Variants in VWA8 observed in about 807,000 individuals in gnomAD.
VWA8 encodes the protein von Willebrand factor A domain-containing protein 8.
VWA8 carries 221 observed loss-of-function variants against 241.5 expected under a neutral mutation model. That is an observed-to-expected ratio of 0.91 (90% CI 0.82 to 1.02). VWA8 has a LOEUF of 1.02. VWA8 is among the 50% of genes least tolerant of loss of function. VWA8 has a pLI of 0.00. For synonymous variants in VWA8, 852 were observed against 827.1 expected, an observed-to-expected ratio of 1.03 and a Z score of -0.52; for missense variants, 2,322 against 2,328.7, an observed-to-expected ratio of 1.00 and a Z score of 0.06.
intron 21 of VWA8, among the ~76,000 whole-genome samples, chr13:41,746,444 T>C (rs564448660): frequency 2.6e-5 from 4 of 152,318 alleles, no homozygotes; most frequent in Non-Finnish European, 4.4e-5. Flanking sequence ...TCTGTAGCTC[T>C]GACTCATCAA....
chr13:41,953,756 C>A (rs575328882), intron 1 of VWA8, among the ~76,000 whole-genome samples: 2 of 152,132 alleles, frequency 1.3e-5, no homozygotes, highest in Admixed American at 1.3e-4. Context: ...TTGCAGTGAG[C>A]CGAGATAGCG....
At chr13:41,716,448 A>G (rs768661778) in intron 26 of VWA8, among the ~76,000 whole-genome samples, 12 of 152,084 alleles carry the variant, frequency 7.9e-5, no homozygotes, top group South Asian at 4.1e-4. Context: ...CAAAAATAAC[A>G]TCACCGCTAC....
At position 41,864,932 on chromosome 13, in the gene VWA8, G is replaced by A. The variant is rs184286300; in HGVS notation, c.1425+804C>T. 4.7e-5 allele frequency among the ~76,000 whole-genome samples: 7 copies of A among 147,646 alleles called. No individual in the cohort carries two copies. The East Asian group carries it at 1.4e-3, about 30-fold the overall frequency. On this transcript the variant is annotated intron_variant, in intron 12 of 44. Transcript: ENST00000379310. ...GAACCCGGGGTGGGCAGAGGTTGCA[G>A]TGAGCCGAGATTGTGCCATTGCATT...
chr13:41,831,697 G>A (rs925114141), intron 13 of VWA8, among the ~76,000 whole-genome samples: 3 of 143,134 alleles, frequency 2.1e-5, no homozygotes, highest in Non-Finnish European at 3.0e-5. Context: ...TAGGCTCACT[G>A]CAACCTCCGC....
chr13:41,761,925 CT>C (rs1243148665), intron 20 of VWA8, among the ~76,000 whole-genome samples: 1 of 151,928 alleles, frequency 6.6e-6, no homozygotes, highest in Non-Finnish European at 1.5e-5. Context: ...GGGTGTAAAT[CT>C]TTTAACAAGC....
intron 36 of VWA8, among the ~76,000 whole-genome samples, chr13:41,672,241 T>C (rs576430213): frequency 6.6e-6 from 1 of 152,364 alleles, no homozygotes; most frequent in African/African-American, 2.4e-5. Context: ...AAGGAATGTA[T>C]AGATTTCTTA....
intron 40 of VWA8, among the ~76,000 whole-genome samples, chr13:41,596,970 A>T (rs935821762): frequency 2.0e-5 from 3 of 152,044 alleles, no homozygotes; most frequent in African/African-American, 7.2e-5. Flanking sequence ...GTTATGATTA[A>T]TCAAGACTTT....
In VWA8 at chr13:41,727,278, C is replaced by T; in HGVS notation, c.2674G>A (p.Val892Met). The part of the protein sequence containing the change: ...ANVNGRENVV[V>M]IHPDFRMIVL... ...ATCATCCTAAAATCAGGATGAATCACTACAACATTTTCTCTTCCATTCACA... is the reference window on the plus strand; with the variant it reads ...ATCATCCTAAAATCAGGATGAATCATTACAACATTTTCTCTTCCATTCACA... The change falls in exon 24 of 45, where the codon GTG becomes ATG. Residue 892 changes from valine to methionine, a missense_variant. By Grantham distance (21) the Val-to-Met change is conservative. Transcript: ENST00000379310. 1.3e-6 allele frequency: 2 copies of T among 1,559,394 alleles called. No homozygotes were observed. Among genetic ancestry groups the T allele is most frequent in the Non-Finnish European group, 1.7e-6 (2 of 1,151,376 alleles).
intron 2 of VWA8, among the ~76,000 whole-genome samples, chr13:41,930,071 G>A (rs1260218588): frequency 6.6e-6 from 1 of 152,086 alleles, no homozygotes; most frequent in Non-Finnish European, 1.5e-5. Flanking sequence ...ATGGGCAAAG[G>A]ATTTGAATTC....
rs1359237677 is a variant in VWA8, at chr13:41,567,469, A to G, written c.*728T>C. The G allele has an allele frequency of 6.6e-6, 1 of 152,218 alleles. No individual in the cohort carries two copies. Among genetic ancestry groups the G allele is most frequent in the African/African-American group, 2.4e-5 (1 of 41,456 alleles). 9.4% of individuals were successfully genotyped at this position (152,218 alleles called of 1,614,324 possible). ...GCTAGAAGAACAGAAGAAACAGTAA[A>G]CTTTTAAGGCAAGACATCTTTCTCC... On this transcript the variant is annotated 3_prime_UTR_variant, in exon 45 of 45. Coordinates refer to ENST00000379310, the MANE Select transcript of VWA8 (RefSeq NM_015058.2).
chr13:41,744,858 G>C (rs2045592684), intron 21 of VWA8, among the ~76,000 whole-genome samples: 1 of 151,860 alleles, frequency 6.6e-6, no homozygotes, highest in Admixed American at 6.6e-5. Context: ...TATTTTTTGA[G>C]ATGGAGTCTT....
chr13:41,670,928 G>T lies in VWA8; in HGVS notation c.4611+18C>A. 6.2e-7 allele frequency: 1 copy of T among 1,612,604 alleles called. No homozygotes were observed. Among genetic ancestry groups the T allele is most frequent in the South Asian group, 1.1e-5 (1 of 90,986 alleles). On this transcript the variant is annotated intron_variant, in intron 37 of 44. Transcript: ENST00000379310. ...TTGAATGTGCACCTCTAAGAGATAA[G>T]GTGAATTCAAATGGTACCTGCATAT...
intron 3 of VWA8, among the ~76,000 whole-genome samples, chr13:41,909,742 C>G (rs868464865): frequency 1.3e-5 from 2 of 152,218 alleles, no homozygotes; most frequent in African/African-American, 4.8e-5. Flanking sequence ...AAAGTCTCCC[C>G]AGGTGCTGAT....
At position 41,703,319 on chromosome 13, in the gene VWA8, T is replaced by C. The variant is rs1261756238; in HGVS notation, c.3209A>G (p.His1070Arg). The change falls in exon 27 of 45, where the codon CAT becomes CGT. Residue 1070 changes from histidine (H) to arginine (R), a missense_variant. Physicochemically the swap from His to Arg is conservative, Grantham distance 29. Transcript: ENST00000379310. ...MQKLLCPVET[H>R]HIDIKGPALI... is the part of the protein sequence containing the mutation. ...GATATCAACCTTTATGTCTATATGA[T>C]GAGTTTCCACTGGACACAAGAGTTT... The C allele has an allele frequency of 1.2e-6, 2 of 1,613,850 alleles. No homozygotes were observed. Among genetic ancestry groups the C allele is most frequent in the South Asian group, 1.1e-5 (1 of 91,074 alleles).
chr13:41,665,404 T>C (rs542150522), intron 37 of VWA8, among the ~76,000 whole-genome samples: 2 of 152,258 alleles, frequency 1.3e-5, no homozygotes, highest in South Asian at 4.1e-4. Context: ...GATTTTAATC[T>C]AGGTTTGAAC....
chr13:41,793,441 T>G (rs1244933750), intron 17 of VWA8, among the ~76,000 whole-genome samples: 1 of 152,180 alleles, frequency 6.6e-6, no homozygotes, highest in Admixed American at 6.6e-5. Flanking sequence ...AACATTACCT[T>G]TTTCTGACTG....
intron 1 of VWA8, among the ~76,000 whole-genome samples, chr13:41,952,994 G>A (rs1878203793): frequency 6.6e-6 from 1 of 152,000 alleles, no homozygotes; most frequent in South Asian, 2.1e-4. Context: ...CCTCCTTCTG[G>A]GTAACACAGC....
In VWA8 at chr13:41,703,395, G is replaced by A. The variant is rs762268695; in HGVS notation, c.3133C>T (p.Gln1045Ter). 8 of 1,613,994 alleles carry A rather than the reference G, an allele frequency of 5.0e-6. No individual in the cohort carries two copies. Among genetic ancestry groups the A allele is most frequent in the Non-Finnish European group, 6.8e-6 (8 of 1,179,934 alleles). Reference sequence around the variant, plus strand: ...ATTGTCCAGTAGCCCATGAACGTTTGTTCTGGCAGAGTCAACCTGTTAAGG... The same window carrying A: ...ATTGTCCAGTAGCCCATGAACGTTTATTCTGGCAGAGTCAACCTGTTAAGG... The part of the protein sequence containing the change: ...QLAKELTLPE[Q>*]TFMGYWTIGQ... Residue 1045 changes from glutamine (Q) to a stop codon, truncating the protein, a stop_gained, in exon 27 of 45, where the codon CAA becomes TAA. Coordinates refer to ENST00000379310, the MANE Select transcript of VWA8 (RefSeq NM_015058.2). LOFTEE classifies it high-confidence loss of function.
At chr13:41,895,760 T>G (rs190887210) in intron 4 of VWA8, among the ~76,000 whole-genome samples, 93 of 152,248 alleles carry the variant, frequency 6.1e-4, no homozygotes, top group Non-Finnish European at 8.4e-4. Flanking sequence ...ACGTCCTGTT[T>G]GCTAAATTGT....
Sources: allele counts gnomAD v4.1 joint callset (sites outside exome capture counted in the v4.1 genomes callset), GRCh38; gene constraint gnomAD v4.1.1; transcripts MANE v1.5; gene names NCBI Gene and HGNC (gene_info 2026-07-23, HGNC 2026-07-21).